ASTN2: variants seen among roughly 807,000 people sequenced by gnomAD.
The protein encoded by ASTN2 is astrotactin 2.
A neutral mutation model predicts 139.8 loss-of-function variants in ASTN2; 54 were observed. The observed-to-expected ratio is 0.39, with a 90% confidence interval of 0.31 to 0.48. The LOEUF (loss-of-function observed/expected upper bound fraction) is 0.48. Among genes scored for constraint, ASTN2 ranks in the 20% least tolerant of loss-of-function variants. The probability of loss-of-function intolerance (pLI) is 0.95; values close to 1 mark genes in which losing one functional copy is unlikely to be tolerated. For missense variants in ASTN2, 1,565 were observed against 1,725.1 expected, an observed-to-expected ratio of 0.91 and a Z score of 1.64; for synonymous variants, 756 against 719.5, an observed-to-expected ratio of 1.05 and a Z score of -0.81.
chr9:116,609,947 T>G (rs1238142395), intron 19 of ASTN2, among the ~76,000 whole-genome samples: 1 of 151,976 alleles, frequency 6.6e-6, no homozygotes, highest in Non-Finnish European at 1.5e-5. Context: ...AACACTAAAT[T>G]TTTTTAAAAA....
intron 20 of ASTN2, among the ~76,000 whole-genome samples, chr9:116,464,314 C>T (rs1435036160): frequency 1.3e-5 from 2 of 152,058 alleles, no homozygotes; most frequent in Non-Finnish European, 2.9e-5. Context: ...GAGTTATGCA[C>T]TTGGTTTTCT....
At chr9:116,510,222 T>A (rs1222738845) in intron 19 of ASTN2, among the ~76,000 whole-genome samples, 1 of 152,232 alleles carries the variant, frequency 6.6e-6, no homozygotes, top group Non-Finnish European at 1.5e-5. Flanking sequence ...GCTTTCTGCA[T>A]ATGGCTAGCC....
At chr9:117,003,953 C>CGCGCGCGCGTGTGTGTGTGTGTGTGT (rs1218309835) in intron 7 of ASTN2, among the ~76,000 whole-genome samples, 6 of 146,226 alleles carry the variant, frequency 4.1e-5, no homozygotes, top group African/African-American at 1.6e-4. Flanking sequence ...CGCGCGCGCG[C>CGCGCGCGCGTGTGTGTGTGTGTGTGT]GTGTGTGTGT....
intron 1 of ASTN2, among the ~76,000 whole-genome samples, chr9:117,307,068 C>G (rs2130808430): frequency 6.6e-6 from 1 of 152,242 alleles, no homozygotes; most frequent in African/African-American, 2.4e-5. Flanking sequence ...CATAGGTACA[C>G]AAAAAGCCAT....
At chr9:116,426,845 T>G (rs1029385738) in intron 22 of ASTN2, among the ~76,000 whole-genome samples, 1 of 152,154 alleles carries the variant, frequency 6.6e-6, no homozygotes, top group African/African-American at 2.4e-5. Flanking sequence ...TCAAGTTAAG[T>G]AAGAGAAATG....
chr9:116,606,395 G>A (rs1029750349), intron 19 of ASTN2, among the ~76,000 whole-genome samples: 1 of 152,140 alleles, frequency 6.6e-6, no homozygotes, highest in Non-Finnish European at 1.5e-5. Flanking sequence ...CAGCCATAAA[G>A]TGTGTGTGTA....
chr9:116,880,535 G>A (rs1453013060), intron 10 of ASTN2, among the ~76,000 whole-genome samples: 3 of 152,158 alleles, frequency 2.0e-5, no homozygotes. Context: ...AAAGCTTTCA[G>A]GGGTTTGCCC....
intron 13 of ASTN2, among the ~76,000 whole-genome samples, chr9:116,756,173 G>A (rs1392857900): frequency 6.6e-6 from 1 of 152,138 alleles, no homozygotes; most frequent in Non-Finnish European, 1.5e-5. Context: ...CTTTTAAGCA[G>A]GCATCAGACA....
chr9:116,528,754 T>C (rs1851201659), intron 19 of ASTN2, among the ~76,000 whole-genome samples: 1 of 152,150 alleles, frequency 6.6e-6, no homozygotes, highest in Admixed American at 6.5e-5. Context: ...CACCCTGCAT[T>C]CCAGACGTTC....
chr9:117,018,948 A>G (rs1053061903), intron 6 of ASTN2, among the ~76,000 whole-genome samples: 6 of 152,132 alleles, frequency 3.9e-5, no homozygotes. Flanking sequence ...TAGGAAACTG[A>G]TGATTCAAAA....
At chr9:116,948,785 G>GTTTTTTTTTTTTTTTTTTTTTTT (rs58832163) in intron 10 of ASTN2, among the ~76,000 whole-genome samples, 2 of 49,474 alleles carry the variant, frequency 4.0e-5, no homozygotes, top group African/African-American at 8.6e-5. Context: ...ATAATTTGGT[G>GTTTTTTTTTTTTTTTTTTTTTTT]TTTTTTTTTT....
At chr9:117,378,356 AG>A (rs57702756) in intron 1 of ASTN2, among the ~76,000 whole-genome samples, 2 of 152,258 alleles carry the variant, frequency 1.3e-5, no homozygotes, top group East Asian at 3.9e-4. Flanking sequence ...ACTGGATAGC[AG>A]GGGAACTTTA....
intron 10 of ASTN2, among the ~76,000 whole-genome samples, chr9:116,931,003 C>T (rs1161094091): frequency 1.3e-5 from 2 of 152,108 alleles, no homozygotes; most frequent in African/African-American, 4.8e-5. Flanking sequence ...GCTGAATCTA[C>T]ACCTCCCACC....
intron 3 of ASTN2, among the ~76,000 whole-genome samples, chr9:117,202,082 A>G (rs554184989): frequency 1.2e-4 from 19 of 152,190 alleles, no homozygotes; most frequent in Non-Finnish European, 1.5e-4. Context: ...TCTTCCTGTT[A>G]CCATTATGTA....
intron 13 of ASTN2, among the ~76,000 whole-genome samples, chr9:116,737,401 G>C (rs1159964482): frequency 6.6e-6 from 1 of 152,158 alleles, no homozygotes; most frequent in Non-Finnish European, 1.5e-5. Flanking sequence ...AGCTGGCAGG[G>C]TGCTGGCTTA....
At chr9:117,187,595 G>A (rs1831234129) in intron 3 of ASTN2, among the ~76,000 whole-genome samples, 2 of 152,096 alleles carry the variant, frequency 1.3e-5, no homozygotes, top group South Asian at 2.1e-4. Flanking sequence ...TATCACAAGA[G>A]TGAATCTGTT....
chr9:117,155,967 G>A (rs771277627), intron 3 of ASTN2, among the ~76,000 whole-genome samples: 2 of 151,924 alleles, frequency 1.3e-5, no homozygotes, highest in African/African-American at 4.8e-5. Flanking sequence ...TGACAGATGA[G>A]TGTTACATTA....
chr9:117,413,300 A>G (rs1435786893), intron 1 of ASTN2, among the ~76,000 whole-genome samples: 1 of 152,236 alleles, frequency 6.6e-6, no homozygotes, highest in African/African-American at 2.4e-5. Context: ...AAGTTCAGGG[A>G]TCGTAAAGGT....
chr9:116,475,156 T>C (rs1029081406), intron 20 of ASTN2, among the ~76,000 whole-genome samples: 1 of 152,212 alleles, frequency 6.6e-6, no homozygotes, highest in African/African-American at 2.4e-5. Context: ...TGCCAGCATG[T>C]AATAATTAGG....
Sources: allele counts gnomAD v4.1 joint callset (sites outside exome capture counted in the v4.1 genomes callset), GRCh38; gene constraint gnomAD v4.1.1; transcripts MANE v1.5; gene names NCBI Gene and HGNC (gene_info 2026-07-23, HGNC 2026-07-21).